The following MGST1 variants were observed in gnomAD, a reference collection of about 807,000 sequenced individuals.
MGST1 encodes the protein microsomal glutathione S-transferase 1.
In MGST1, 5 loss-of-function variants were observed where a neutral mutation model predicts 8.9. The observed-to-expected ratio is 0.56, with a 90% CI of 0.29 to 1.19. The LOEUF (loss-of-function observed/expected upper bound fraction) is 1.19. Among genes scored for constraint, MGST1 ranks in the 50% most tolerant of loss-of-function variants. The pLI, the probability that MGST1 is intolerant of heterozygous loss-of-function variation, is 0.08. For missense variants in MGST1, 182 were observed against 187.4 expected (o/e 0.97, Z 0.17); for synonymous variants, 54 against 67.8 (o/e 0.80, Z 1.00).
chr12:16,380,144 A>C (rs1413331875), downstream of MGST1, among the ~76,000 whole-genome samples: 1 of 151,876 alleles, frequency 6.6e-6, no homozygotes, highest in East Asian at 1.9e-4. Context: ...TATTTCCTTC[A>C]GTTCTGCTCT....
chr12:16,363,943 C>A lies in MGST1; in HGVS notation c.370C>A (p.Pro124Thr). The change falls in exon 4 of 4, where the codon CCC becomes ACC. Residue 124 changes from proline (P) to threonine (T), a missense_variant. Coordinates refer to ENST00000396210, the MANE Select transcript of MGST1 (RefSeq NM_020300.5). This position sits in a 1 kb window ranked among gnomAD's most constrained non-coding sequence, Gnocchi z 4.6. ...RIYHTIAYLT[P>T]LPQPNRALSF... ...CTACCACACCATTGCATATTTGACA[C>A]CCCTTCCCCAGCCAAATAGAGCTTT... 1 of 1,613,924 alleles carries A rather than the reference C, an allele frequency of 6.2e-7. No homozygotes were observed. The highest frequency in any genetic ancestry group is 1.3e-5 in the African/African-American group (1 of 74,996).
chr12:16,558,842 T>A (rs1305596330), intron 4 of MGST1, among the ~76,000 whole-genome samples: 3 of 152,188 alleles, frequency 2.0e-5, no homozygotes, highest in Non-Finnish European at 2.9e-5. Flanking sequence ...CCTGTTGTGT[T>A]CCTGACATTT....
chr12:16,498,574 T>C (rs1941484711), intron 4 of MGST1, among the ~76,000 whole-genome samples: 1 of 152,184 alleles, frequency 6.6e-6, no homozygotes, highest in African/African-American at 2.4e-5. Flanking sequence ...GTACAGTTAA[T>C]GCCAGTGCAC....
intron 1 of MGST1, among the ~76,000 whole-genome samples, chr12:16,407,981 G>A (rs12812127): frequency 3.8e-5 from 5 of 131,910 alleles, no homozygotes; most frequent in Non-Finnish European, 6.2e-5. Context: ...GCAGTGAGTC[G>A]AGATCACGCC....
rs1245940862 is a variant in MGST1, at chr12:16,469,068, G to T, written n.482+85464G>T. 2.0e-5 allele frequency among the ~76,000 whole-genome samples: 3 copies of T among 152,006 alleles called. No individual in the cohort carries two copies. The South Asian group carries it at 6.2e-4, about 32-fold the overall frequency. ...CCCACCTATTCCTGCACTGCTAAAT[G>T]TGAGAAAACAGAGTTCCATTTTATT... On this transcript the variant is annotated intron_variant and non_coding_transcript_variant, in intron 4 of 4. Coordinates refer to the MGST1 transcript ENST00000538857.
In MGST1 at chr12:16,401,935, C is replaced by G; in HGVS notation, n.778+18331C>G. ...GTATATGCCACAACTGCACTGATAT[C>G]TATTTTGTCAAAGCCTTCTTTGTTG... is the stretch of plus-strand genomic sequence containing the variant. On this transcript the variant is annotated intron_variant and non_coding_transcript_variant, in intron 1 of 1. Coordinates refer to the MGST1 transcript ENST00000359720. This position sits in a 1 kb window ranked among gnomAD's most constrained non-coding sequence, Gnocchi z 4.3. The G allele has an allele frequency of 6.2e-7, 1 of 1,611,032 alleles. No individual in the cohort carries two copies. The highest frequency in any genetic ancestry group is 1.1e-5 in the South Asian group (1 of 91,008).
At chr12:16,416,673 T>G in intron 1 of MGST1, among the ~76,000 whole-genome samples, 1 of 152,140 alleles carries the variant, frequency 6.6e-6, no homozygotes, top group East Asian at 1.9e-4. Flanking sequence ...CATTGGAGAT[T>G]GGGGTTTTAG....
At chr12:16,369,180 T>C (rs1463682484), downstream of MGST1, among the ~76,000 whole-genome samples, 1 of 152,174 alleles carries the variant, frequency 6.6e-6, no homozygotes, top group Non-Finnish European at 1.5e-5. This position sits in a 1 kb window ranked among gnomAD's most constrained non-coding sequence, Gnocchi z 4.8. Flanking sequence ...GTCTTGAGTC[T>C]CGAGGCTTTC....
intron 4 of MGST1, among the ~76,000 whole-genome samples, chr12:16,454,899 A>G (rs1299029425): frequency 2.5e-4 from 35 of 140,356 alleles, no homozygotes; most frequent in Non-Finnish European, 3.3e-4. Context: ...AAAAAAAAAA[A>G]AAAAAGGAGA....
chr12:16,523,764 ATCTC>A (rs1423033266), intron 4 of MGST1, among the ~76,000 whole-genome samples: 1 of 152,118 alleles, frequency 6.6e-6, no homozygotes, highest in Non-Finnish European at 1.5e-5. Flanking sequence ...TTTCAAGTGA[ATCTC>A]TATATTGTTC....
At chr12:16,460,998 G>A (rs373912517) in intron 4 of MGST1, among the ~76,000 whole-genome samples, 1 of 152,058 alleles carries the variant, frequency 6.6e-6, no homozygotes, top group East Asian at 1.9e-4. Context: ...AAGATTCAGA[G>A]GAAGATATAG....
chr12:16,442,426 C>G (rs1309392790), downstream of MGST1, among the ~76,000 whole-genome samples: 1 of 151,892 alleles, frequency 6.6e-6, no homozygotes, highest in East Asian at 1.9e-4. The surrounding 1 kb of genome is among the most constrained non-coding windows in gnomAD (Gnocchi z 4.5). Context: ...ATTTTATCTT[C>G]TAGGAGGTTT....
intron 4 of MGST1, among the ~76,000 whole-genome samples, chr12:16,479,977 T>G (rs894117396): frequency 6.6e-6 from 1 of 152,088 alleles, no homozygotes; most frequent in African/African-American, 2.4e-5. Flanking sequence ...AAATGGATCA[T>G]AAAGTAAATA....
rs1439229438 is a variant in MGST1, at chr12:16,589,073, G to A, written n.483-455G>A. Among the ~76,000 whole-genome samples the A allele has an allele frequency of 6.6e-6, 1 of 152,088 alleles. No individual in the cohort carries two copies. Among genetic ancestry groups the A allele is most frequent in the African/African-American group, 2.4e-5 (1 of 41,412 alleles). On this transcript the variant is annotated intron_variant and non_coding_transcript_variant, in intron 4 of 4. Coordinates refer to the MGST1 transcript ENST00000538857. This position sits in a 1 kb window ranked among gnomAD's most constrained non-coding sequence, Gnocchi z 4.2. ...AGCTGGGGTGTAGCAGAAGGGGGTC[G>A]ACGTCAGGTCTGGATACCTCACCGT...
chr12:16,388,017 T>C (rs1940520109), intron 1 of MGST1, among the ~76,000 whole-genome samples: 1 of 152,028 alleles, frequency 6.6e-6, no homozygotes, highest in African/African-American at 2.4e-5. Flanking sequence ...GTACACACCA[T>C]GATGTTTTCA....
chr12:16,384,052 T>C (rs1026098682), intron 1 of MGST1, among the ~76,000 whole-genome samples: 3 of 152,062 alleles, frequency 2.0e-5, no homozygotes, highest in Non-Finnish European at 4.4e-5. Flanking sequence ...AATTCTTCAT[T>C]GAAAAGGGAC....
intron 4 of MGST1, among the ~76,000 whole-genome samples, chr12:16,481,587 C>T (rs1941365024): frequency 6.6e-6 from 1 of 152,052 alleles, no homozygotes; most frequent in South Asian, 2.1e-4. Flanking sequence ...TAATAATTAA[C>T]ACTACAGTTA....
intron 4 of MGST1, among the ~76,000 whole-genome samples, chr12:16,573,106 G>C (rs1047257714): frequency 6.6e-6 from 1 of 151,526 alleles, no homozygotes; most frequent in African/African-American, 2.4e-5. Context: ...ATGAAAGTTA[G>C]GAGTAAGCCA....
rs1192083230 is a variant in MGST1, at chr12:16,410,027, G to C, written n.778+26423G>C. Among the ~76,000 whole-genome samples the C allele has an allele frequency of 3.9e-5, 6 of 152,110 alleles. No homozygotes were observed. Among genetic ancestry groups the C allele is most frequent in the Non-Finnish European group, 7.4e-5 (5 of 68,018 alleles). The stretch of plus-strand genomic sequence containing the variant: ...TCTCAGCGCCAAAGTAAATTTTCTT[G>C]TATCCTGGGAAGTGAGTGGGGTAGT... On this transcript the variant is annotated intron_variant and non_coding_transcript_variant, in intron 1 of 1. Coordinates refer to the MGST1 transcript ENST00000359720. The surrounding 1 kb of genome is among the most constrained non-coding windows in gnomAD (Gnocchi z 4.4).
Sources: gnomAD v4.1 joint callset for allele counts (sites outside exome capture counted in the v4.1 genomes callset) on GRCh38, gnomAD v4.1.1 for gene constraint, Gnocchi (gnomAD v3.1) non-coding constraint, MANE v1.5 for transcripts, NCBI Gene and HGNC (gene_info 2026-07-23, HGNC 2026-07-21) for gene names.